Variants in GRIP1 observed in about 807,000 individuals in gnomAD.
The protein encoded by GRIP1 is glutamate receptor interacting protein 1.
Under a neutral mutation model 129.9 loss-of-function variants are expected in GRIP1, and 45 were observed. That is an observed-to-expected ratio of 0.35 (90% CI 0.27 to 0.44). The LOEUF (loss-of-function observed/expected upper bound fraction) is 0.44, where lower values mean the gene tolerates loss of function less well. Ranked by LOEUF, GRIP1 falls within the 20% of genes least tolerant of loss-of-function variation. The pLI is 1.00. For synonymous variants in GRIP1, 530 were observed against 520.8 expected (o/e 1.02, Z -0.24); for missense variants, 1,196 against 1,396.8 (o/e 0.86, Z 2.29).
intron 1 of GRIP1, among the ~76,000 whole-genome samples, chr12:66,640,507 C>T (rs758206459): frequency 3.3e-5 from 5 of 152,146 alleles, no homozygotes; most frequent in Non-Finnish European, 4.4e-5. Context: ...AAGACTCAAA[C>T]GATGTCTCTC....
chr12:66,578,502 G>A (rs539402655), intron 2 of GRIP1, among the ~76,000 whole-genome samples: 15 of 152,290 alleles, frequency 9.8e-5, no homozygotes, highest in African/African-American at 2.6e-4. Flanking sequence ...CCCTTTCCTA[G>A]TCAAAGAAAC....
intron 1 of GRIP1, among the ~76,000 whole-genome samples, chr12:66,652,499 G>C (rs1461102554): frequency 6.6e-6 from 1 of 152,148 alleles, no homozygotes. Context: ...GTGTGAAAAT[G>C]GACTAATACA....
intron 11 of GRIP1, among the ~76,000 whole-genome samples, chr12:66,452,978 T>C (rs1340740224): frequency 6.6e-6 from 1 of 152,232 alleles, no homozygotes. Flanking sequence ...TGTGATCTCC[T>C]GAGACACATT....
At chr12:66,543,272 C>G (rs1190732867) in intron 2 of GRIP1, among the ~76,000 whole-genome samples, 1 of 152,102 alleles carries the variant, frequency 6.6e-6, no homozygotes, top group Non-Finnish European at 1.5e-5. Flanking sequence ...TCCCAGCATA[C>G]CATCACTGGA....
At chr12:66,576,585 T>C (rs1330938034) in intron 2 of GRIP1, among the ~76,000 whole-genome samples, 1 of 152,214 alleles carries the variant, frequency 6.6e-6, no homozygotes, top group East Asian at 1.9e-4. Flanking sequence ...CGTTGTTGGG[T>C]AGACTTGGAC....
At chr12:66,752,834 T>TA (rs199890520) in intron 1 of GRIP1, among the ~76,000 whole-genome samples, 7 of 152,042 alleles carry the variant, frequency 4.6e-5, no homozygotes, top group East Asian at 3.9e-4. Flanking sequence ...ATAATCTTAC[T>TA]AAAAAAAATA....
chr12:66,902,598 G>A (rs2040860961), intron 1 of GRIP1, among the ~76,000 whole-genome samples: 1 of 152,184 alleles, frequency 6.6e-6, no homozygotes, highest in Admixed American at 6.5e-5. Flanking sequence ...TCAAAGTTGA[G>A]GTTACCAAGT....
intron 2 of GRIP1, among the ~76,000 whole-genome samples, chr12:66,548,128 A>C (rs1261841816): frequency 6.6e-6 from 1 of 152,208 alleles, no homozygotes; most frequent in Non-Finnish European, 1.5e-5. Context: ...GTGGTTACTT[A>C]AGAGTGAAAT....
intron 1 of GRIP1, among the ~76,000 whole-genome samples, chr12:66,748,008 AGTGTGT>A (rs372210753): frequency 1.3e-5 from 2 of 150,888 alleles, no homozygotes; most frequent in Admixed American, 1.3e-4. Context: ...GTTTATTGTC[AGTGTGT>A]GTGTGTGTGT....
intron 1 of GRIP1, among the ~76,000 whole-genome samples, chr12:66,958,495 T>C (rs1250711816): frequency 6.6e-6 from 1 of 152,224 alleles, no homozygotes; most frequent in Non-Finnish European, 1.5e-5. Flanking sequence ...TCCTGTTTCC[T>C]GTGCCAGCAC....
At chr12:66,580,379 C>A (rs201261714) in intron 2 of GRIP1, among the ~76,000 whole-genome samples, 33,904 of 146,382 alleles carry the variant, frequency 0.23, 3,888 homozygotes, top group Admixed American at 0.26. Context: ...CTAACATCAT[C>A]ATGACAGGAT....
intron 1 of GRIP1, among the ~76,000 whole-genome samples, chr12:66,839,641 G>A (rs1220428559): frequency 6.6e-6 from 1 of 152,152 alleles, no homozygotes; most frequent in Non-Finnish European, 1.5e-5. Context: ...ATAAGCTTGG[G>A]CTTCAAAGGC....
chr12:66,516,430 C>T (rs2060846371), intron 6 of GRIP1, among the ~76,000 whole-genome samples: 1 of 151,930 alleles, frequency 6.6e-6, no homozygotes, highest in South Asian at 2.1e-4. Context: ...GGGAGGGGCA[C>T]AAAAATAAGA....
intron 1 of GRIP1, among the ~76,000 whole-genome samples, chr12:66,787,266 A>C (rs2038378903): frequency 1.3e-5 from 2 of 152,206 alleles, no homozygotes; most frequent in African/African-American, 2.4e-5. Flanking sequence ...TTACACAGAA[A>C]GTTTAGGACG....
intron 9 of GRIP1, among the ~76,000 whole-genome samples, chr12:66,457,173 CA>C (rs1372071944): frequency 6.6e-6 from 1 of 152,060 alleles, no homozygotes; most frequent in Non-Finnish European, 1.5e-5. Flanking sequence ...ATATTCCACC[CA>C]GTGTTCTGAA....
At chr12:66,349,946 G>C (rs1466693835) in intron 24 of GRIP1, among the ~76,000 whole-genome samples, 1 of 151,922 alleles carries the variant, frequency 6.6e-6, no homozygotes, top group African/African-American at 2.4e-5. Context: ...TCTACTCCTT[G>C]ATCTTCCATT....
intron 1 of GRIP1, among the ~76,000 whole-genome samples, chr12:66,974,009 G>A (rs560103347): frequency 1.6e-3 from 228 of 140,606 alleles, no homozygotes; most frequent in Middle Eastern, 8.1e-3. Context: ...TGCAACCTCC[G>A]CCTCCCTGGT....
intron 23 of GRIP1, among the ~76,000 whole-genome samples, chr12:66,368,102 A>G (rs938367073): frequency 1.3e-5 from 2 of 152,182 alleles, no homozygotes; most frequent in Non-Finnish European, 1.5e-5. Flanking sequence ...GAGGAAGAGA[A>G]GTGGTAGGAA....
intron 15 of GRIP1, among the ~76,000 whole-genome samples, chr12:66,418,666 C>A (rs565419435): frequency 6.6e-6 from 1 of 152,080 alleles, no homozygotes; most frequent in Admixed American, 6.5e-5. Context: ...AGAAGACATA[C>A]AAATGTCTAA....
Sources: gnomAD v4.1 joint callset for allele counts (sites outside exome capture counted in the v4.1 genomes callset) on GRCh38, gnomAD v4.1.1 for gene constraint, MANE v1.5 for transcripts, NCBI Gene and HGNC (gene_info 2026-07-23, HGNC 2026-07-21) for gene names.